MAK16: variants seen among roughly 807,000 people sequenced by gnomAD.
MAK16 encodes protein MAK16 homolog.
In MAK16, 12 loss-of-function variants were observed where a neutral mutation model predicts 49.9. That is an observed-to-expected ratio of 0.24 (90% confidence interval 0.15 to 0.39). The LOEUF (loss-of-function observed/expected upper bound fraction) is 0.39. Ranked by LOEUF, MAK16 falls within the 10% of genes least tolerant of loss-of-function variation. The probability of loss-of-function intolerance (pLI) is 1.00; values close to 1 mark genes in which losing one functional copy is unlikely to be tolerated. For synonymous variants in MAK16, 115 were observed against 126.4 expected, an observed-to-expected ratio of 0.91 and a Z score of 0.60; for missense variants, 292 against 363.7, an observed-to-expected ratio of 0.80 and a Z score of 1.60.
Position 33,498,898 on chromosome 8 carries a change from G to A in MAK16, c.*269G>A. On this transcript the variant is annotated 3_prime_UTR_variant, in exon 10 of 10. Transcript: ENST00000360128. ...ACTTAACAGATGAGTTCTTGAATCT[G>A]GGATGAGATGACGGATGTAAATATT... The A allele has an allele frequency of 1.7e-6, 1 of 578,902 alleles. No homozygotes were observed. Among genetic ancestry groups the A allele is most frequent in the South Asian group, 2.2e-5 (1 of 45,736 alleles). The allele number at this position is 578,902 out of a possible 1,614,324, so 35.9% of individuals were successfully genotyped here. A position where few individuals can be genotyped will look rare whatever the true frequency, so the allele number is the denominator to read the frequency against.
rs1809050178 is a variant in MAK16 at position 33,500,818 on chromosome 8, T to C, written c.*2189T>C. ...GATCTCCCCAACCAAGGGCCTATAC[T>C]TTTATTTTTCAACTCTATTAACTGA... is the stretch of plus-strand genomic sequence containing the variant. On this transcript the variant is annotated 3_prime_UTR_variant, in exon 10 of 10. Transcript: ENST00000360128. 1.2e-5 allele frequency: 3 copies of C among 241,378 alleles called. No homozygotes were observed. Among genetic ancestry groups the C allele is most frequent in the South Asian group, 6.0e-5 (1 of 16,616 alleles). 15.0% of individuals were successfully genotyped at this position (241,378 alleles called of 1,614,324 possible).
chr8:33,491,956 A>C (rs958294164), intron 6 of MAK16, among the ~76,000 whole-genome samples: 1 of 151,302 alleles, frequency 6.6e-6, no homozygotes, highest in Non-Finnish European at 1.5e-5. Flanking sequence ...TTTTAATCCA[A>C]TAATTAGAAT....
At chr8:33,486,328 G>A (rs1808686637) in intron 1 of MAK16, among the ~76,000 whole-genome samples, 4 of 152,208 alleles carry the variant, frequency 2.6e-5, no homozygotes. Context: ...TGGGGCTGGA[G>A]GATCGCTTGA....
At chr8:33,487,997 C>T (rs943578824) in intron 1 of MAK16, among the ~76,000 whole-genome samples, 13 of 152,138 alleles carry the variant, frequency 8.5e-5, no homozygotes, top group East Asian at 7.7e-4. Flanking sequence ...GGCACAATCT[C>T]GGCTCACCGC....
At chr8:33,494,988 A>G (rs1442707480) in intron 6 of MAK16, among the ~76,000 whole-genome samples, 1 of 152,200 alleles carries the variant, frequency 6.6e-6, no homozygotes, top group Non-Finnish European at 1.5e-5. Flanking sequence ...TCATTCTAAC[A>G]TAACTTACAG....
intron 1 of MAK16, among the ~76,000 whole-genome samples, chr8:33,486,175 T>C (rs1320163305): frequency 6.6e-6 from 1 of 152,142 alleles, no homozygotes; most frequent in African/African-American, 2.4e-5. Context: ...CTTTTAATGA[T>C]CTATGTTTGT....
chr8:33,492,996 T>A (rs1039535863), intron 6 of MAK16, among the ~76,000 whole-genome samples: 1 of 152,052 alleles, frequency 6.6e-6, no homozygotes, highest in African/African-American at 2.4e-5. Flanking sequence ...TTCTTTTTTT[T>A]ATATTTATAT....
chr8:33,500,844 A>C lies in MAK16; in HGVS notation c.*2215A>C, dbSNP rs952050432. 9.4e-6 allele frequency: 2 copies of C among 213,628 alleles called. No homozygotes were observed. The highest frequency in any genetic ancestry group is 1.9e-5 in the Non-Finnish European group (2 of 105,480). The allele number at this position is 213,628 out of a possible 1,614,324, so 13.2% of individuals were successfully genotyped here. ...TTTATTTTTCAACTCTATTAACTGA[A>C]CTATGCTTGGAGAGAGCCCTGAATC... is the stretch of plus-strand genomic sequence containing the variant. On this transcript the variant is annotated 3_prime_UTR_variant, in exon 10 of 10. Transcript: ENST00000360128.
At chr8:33,485,897 TGAA>T (rs1808679847) in intron 1 of MAK16, among the ~76,000 whole-genome samples, 1 of 152,192 alleles carries the variant, frequency 6.6e-6, no homozygotes, top group Admixed American at 6.5e-5. Flanking sequence ...CCAGAGATGA[TGAA>T]GGACACTTCA....
intron 6 of MAK16, among the ~76,000 whole-genome samples, chr8:33,494,178 A>G (rs960911656): frequency 3.3e-5 from 5 of 152,134 alleles, no homozygotes; most frequent in Non-Finnish European, 7.4e-5. Context: ...GGTTCAAGCA[A>G]TTCTTGTGCC....
At chr8:33,495,464 T>A in intron 6 of MAK16, 78 bp from the exon 7 acceptor site, 1 of 1,209,754 alleles carries the variant, frequency 8.3e-7, no homozygotes, top group Admixed American at 2.1e-5. Context: ...TATAAACAAC[T>A]TGGTAGTTTC....
chr8:33,494,181 C>G (rs946454441), intron 6 of MAK16, among the ~76,000 whole-genome samples: 6 of 152,166 alleles, frequency 3.9e-5, no homozygotes, highest in Admixed American at 3.3e-4. Flanking sequence ...TCAAGCAATT[C>G]TTGTGCCTCA....
chr8:33,492,710 G>GT (rs1172035751), intron 6 of MAK16, among the ~76,000 whole-genome samples: 2 of 152,108 alleles, frequency 1.3e-5, no homozygotes, highest in African/African-American at 4.8e-5. Context: ...CACTGTACGT[G>GT]TGTGGAATTG....
chr8:33,491,286 G>A (rs1473967445), intron 6 of MAK16, among the ~76,000 whole-genome samples: 1 of 152,146 alleles, frequency 6.6e-6, no homozygotes, highest in Non-Finnish European at 1.5e-5. Context: ...TTCCTTTTGG[G>A]TCTGTACCCA....
intron 6 of MAK16, among the ~76,000 whole-genome samples, chr8:33,493,312 C>T (rs1243821470): frequency 6.6e-6 from 1 of 152,152 alleles, no homozygotes; most frequent in Non-Finnish European, 1.5e-5. Context: ...CACCACCACA[C>T]CCGGCTAATT....
intron 7 of MAK16, among the ~76,000 whole-genome samples, chr8:33,495,821 A>G (rs984946710): frequency 6.9e-6 from 1 of 145,130 alleles, no homozygotes; most frequent in Admixed American, 7.3e-5. Context: ...AGTTCAAGCA[A>G]TTCTCCTGCC....
intron 6 of MAK16, 100 bp from the exon 7 acceptor site, chr8:33,495,442 C>G (rs1808841773): frequency 1.0e-6 from 1 of 967,562 alleles, no homozygotes; most frequent in South Asian, 1.5e-5. Context: ...GAAATAATTA[C>G]ATTGTCTTTC....
rs1808665426 is a variant in MAK16, at chr8:33,485,186, G to A, written c.-21G>A. 6.2e-7 allele frequency: 1 copy of A among 1,614,160 alleles called. No homozygotes were observed. On this transcript the variant is annotated 5_prime_UTR_variant, in exon 1 of 10. Transcript: ENST00000360128. The stretch of plus-strand genomic sequence containing the variant: ...TGCGCCCGCGATCCGACCGGAAGTT[G>A]CACGCTGAGCCGCGGACACCATGCA...
chr8:33,498,639 C>A lies in MAK16; in HGVS notation c.*10C>A, dbSNP rs1194328542. On this transcript the variant is annotated 3_prime_UTR_variant, in exon 10 of 10. Transcript: ENST00000360128. ...AGCCAAAACCACGTGATTTCCCTTT[C>A]AGCATTTATACCCAGGACTGAACAT... The A allele has an allele frequency of 2.5e-6, 4 of 1,603,234 alleles. No individual in the cohort carries two copies. Among genetic ancestry groups the A allele is most frequent in the Admixed American group, 3.3e-5 (2 of 59,804 alleles).
Sources: allele counts gnomAD v4.1 joint callset (sites outside exome capture counted in the v4.1 genomes callset), GRCh38; gene constraint gnomAD v4.1.1; transcripts MANE v1.5; gene names NCBI Gene and HGNC (gene_info 2026-07-23, HGNC 2026-07-21).